Variants in MARF1 observed in about 807,000 individuals in gnomAD.
The protein encoded by MARF1 is limkain-b1.
Under a neutral mutation model 168.2 loss-of-function variants are expected in MARF1, and 24 were observed. The observed-to-expected ratio is 0.14, with a 90% CI of 0.10 to 0.20. The LOEUF is 0.20. Ranked by LOEUF, MARF1 falls within the 10% of genes least tolerant of loss-of-function variation. The probability of loss-of-function intolerance (pLI) is 1.00; values close to 1 mark genes in which losing one functional copy is unlikely to be tolerated. For missense variants in MARF1, 1,744 were observed against 2,143.6 expected (o/e 0.81, Z 3.68); for synonymous variants, 868 against 822.4 (o/e 1.06, Z -0.95).
At position 15,595,071 on chromosome 16, in the gene MARF1, T is replaced by C. The variant is rs1206162752; in HGVS notation, c.*1622A>G. ...ATTATTACTTTGTTTAAAAGCTCCT[T>C]TAAAAAAAATTGCACATTTGCATTT... On this transcript the variant is annotated 3_prime_UTR_variant, in exon 27 of 27. Coordinates refer to ENST00000396368, the MANE Select transcript of MARF1 (RefSeq NM_014647.4). 6.6e-6 allele frequency: 1 copy of C among 152,622 alleles called. No homozygotes were observed. The highest frequency in any genetic ancestry group is 1.5e-5 in the Non-Finnish European group (1 of 68,046). 9.5% of individuals were successfully genotyped at this position (152,622 alleles called of 1,614,324 possible). A position where few individuals can be genotyped will look rare whatever the true frequency, so the allele number is the denominator to read the frequency against.
chr16:15,607,852 T>C (rs1331707375), intron 21 of MARF1, among the ~76,000 whole-genome samples: 3 of 152,196 alleles, frequency 2.0e-5, no homozygotes, highest in Non-Finnish European at 4.4e-5. Flanking sequence ...CTCTGCACCC[T>C]CGCTTGCTCC....
In MARF1 at chr16:15,622,916, C is replaced by A; in HGVS notation, c.2460+18G>T. 1.9e-6 allele frequency: 3 copies of A among 1,563,230 alleles called. No individual in the cohort carries two copies. The highest frequency in any genetic ancestry group is 2.3e-4 in the Middle Eastern group (1 of 4,358). ...ATCAGAGAGTATAACAAAGCAAGCA[C>A]AAGAGGGAAAAAGTTACCTTGCCAT... is the stretch of plus-strand genomic sequence containing the variant. On this transcript the variant is annotated intron_variant, in intron 11 of 26. Coordinates refer to ENST00000396368, the MANE Select transcript of MARF1 (RefSeq NM_014647.4).
At chr16:15,637,686 T>C (rs560240409) in intron 2 of MARF1, among the ~76,000 whole-genome samples, 43 of 152,330 alleles carry the variant, frequency 2.8e-4, no homozygotes, top group African/African-American at 1.0e-3. Context: ...CTGAATTGTG[T>C]GACTCCATGA....
In MARF1 at chr16:15,605,265, T is replaced by G. The variant is rs925337859; in HGVS notation, c.4183-867A>C. 7.0e-4 allele frequency among the ~76,000 whole-genome samples: 106 copies of G among 152,172 alleles called. 1 individual carries two copies. Among genetic ancestry groups the G allele is most frequent in the Non-Finnish European group, 2.4e-4 (16 of 68,034 alleles). On this transcript the variant is annotated intron_variant, in intron 21 of 26. Coordinates refer to ENST00000396368, the MANE Select transcript of MARF1 (RefSeq NM_014647.4). ...GTTTGCCCCCTTTATCTGGTTTTCC[T>G]GCCAGGGCCAAAGGTCTTGGCAGGG...
intron 16 of MARF1, among the ~76,000 whole-genome samples, chr16:15,613,796 A>G (rs1380890450): frequency 1.3e-5 from 2 of 152,176 alleles, no homozygotes; most frequent in Non-Finnish European, 2.9e-5. Flanking sequence ...ACAGAGGGAA[A>G]AGAAAGGAGG....
chr16:15,617,418 G>A lies in MARF1; in HGVS notation c.2838C>T (p.Ser946=). 1 of 1,614,082 alleles carries A rather than the reference G, an allele frequency of 6.2e-7. No individual in the cohort carries two copies. Among genetic ancestry groups the A allele is most frequent in the South Asian group, 1.1e-5 (1 of 91,078 alleles). The change falls in exon 14 of 27, where the codon AGC becomes AGT. Residue 946 remains serine (S), a synonymous_variant. Transcript: ENST00000396368. The part of the protein sequence containing the change: ...CLLPSSQARQ[S]PLGSSQSHDG... ...CGTGTGACTGGGAAGACCCCAAGGGGCTCTGGCGGGCCTGACTGCTGGGTA... is the reference window on the plus strand; with the variant it reads ...CGTGTGACTGGGAAGACCCCAAGGGACTCTGGCGGGCCTGACTGCTGGGTA...
At chr16:15,622,023 A>C in intron 11 of MARF1, 112 bp from the exon 12 acceptor site, 2 of 934,518 alleles carry the variant, frequency 2.1e-6, no homozygotes, top group East Asian at 5.0e-5. Flanking sequence ...GCTTCCATGA[A>C]GGAGTATGTC....
chr16:15,614,668 C>A (rs1449521937), intron 16 of MARF1, among the ~76,000 whole-genome samples: 1 of 151,660 alleles, frequency 6.6e-6, no homozygotes, highest in Non-Finnish European at 1.5e-5. Flanking sequence ...TGGCGGGCGC[C>A]TGTAGTCCCA....
Position 15,596,677 on chromosome 16 carries a change from A to G in MARF1, c.*16T>C, listed in dbSNP as rs777658625. On this transcript the variant is annotated 3_prime_UTR_variant, in exon 27 of 27. Coordinates refer to ENST00000396368, the MANE Select transcript of MARF1 (RefSeq NM_014647.4). ...GACAGTGTTTTCCCATCCTAATTCTATATTCCAAATGGGAGTTAAAGCTTG... is the reference window on the plus strand; with the variant it reads ...GACAGTGTTTTCCCATCCTAATTCTGTATTCCAAATGGGAGTTAAAGCTTG... The G allele has an allele frequency of 3.2e-6, 5 of 1,561,150 alleles. No homozygotes were observed. Among genetic ancestry groups the G allele is most frequent in the African/African-American group, 2.7e-5 (2 of 73,352 alleles).
rs755444779 is a variant in MARF1 at position 15,620,551 on chromosome 16, T to C, written c.2640-20A>G. On this transcript the variant is annotated intron_variant, in intron 12 of 26. Transcript: ENST00000396368. ...TCTGCACTGTAAAACAGAAGTTTGA[T>C]TAGGGAACAGACCATTTCCTCCATA... 5 of 1,553,904 alleles carry C rather than the reference T, an allele frequency of 3.2e-6. No individual in the cohort carries two copies. The highest frequency in any genetic ancestry group is 4.4e-6 in the Non-Finnish European group (5 of 1,129,790).
At chr16:15,603,590 T>G (rs968577800) in intron 22 of MARF1, among the ~76,000 whole-genome samples, 1 of 152,338 alleles carries the variant, frequency 6.6e-6, no homozygotes, top group Non-Finnish European at 1.5e-5. Context: ...TGATCTTTTA[T>G]AGTCTCTTTT....
At chr16:15,604,122 T>C in intron 22 of MARF1, 46 bp downstream of exon 22, 2 of 1,400,480 alleles carry the variant, frequency 1.4e-6, no homozygotes, top group Non-Finnish European at 2.0e-6. Context: ...AAATGCCCAA[T>C]CGATAGTTTT....
chr16:15,642,344 C>G (rs1345095935), intron 1 of MARF1: 15 of 151,536 alleles, frequency 9.9e-5, no homozygotes, highest in Admixed American at 9.9e-4. Context: ...AACTCCTGTC[C>G]TTAGTACAAT....
chr16:15,631,480 T>C lies in MARF1; in HGVS notation c.1252A>G (p.Asn418Asp), dbSNP rs200481256. 3.9e-4 allele frequency: 624 copies of C among 1,612,466 alleles called. No homozygotes were observed. The highest frequency in any genetic ancestry group is 5.2e-4 in the Non-Finnish European group (609 of 1,178,858). Residue 418 changes from asparagine (N) to aspartate (D), a missense_variant, in exon 6 of 27, where the codon AAT (asparagine) becomes GAT (aspartate). Physicochemically the swap from Asn to Asp is conservative, Grantham distance 23 (BLOSUM62 1). Around this residue, in one of 7 missense-constraint regions of MARF1, gnomAD observed 217 missense variants for 372.4 expected, o/e 0.58. Transcript: ENST00000396368. ...NNCQVTVAHI[N>D]ATAKNAADDK... ...TCAGCGGCATTCTTTGCAGTAGCATTGATGTGGGCAACGGTTACCTGCATT... is the reference window on the plus strand; with the variant it reads ...TCAGCGGCATTCTTTGCAGTAGCATCGATGTGGGCAACGGTTACCTGCATT...
In MARF1 at chr16:15,611,090, C is replaced by G; in HGVS notation, c.3636G>C (p.Trp1212Cys). ...QAYHWCFSKDWDVTEYGVCEL... is the reference protein window; with the variant it reads ...QAYHWCFSKDCDVTEYGVCEL... ...CACAAACACCATATTCAGTGACATC[C>G]CAGTCCTTTGAGAAACACCTAGGTT... The change falls in exon 19 of 27, where the codon TGG becomes TGC. Residue 1212 changes from tryptophan (W) to cysteine (C), a missense_variant. This residue lies in a region of MARF1 where 543 missense variants were observed against 742.1 expected (regional missense o/e 0.73). Coordinates refer to ENST00000396368, the MANE Select transcript of MARF1 (RefSeq NM_014647.4). 6.2e-7 allele frequency: 1 copy of G among 1,613,762 alleles called. No homozygotes were observed. Among genetic ancestry groups the G allele is most frequent in the Non-Finnish European group, 8.5e-7 (1 of 1,179,754 alleles).
At position 15,615,965 on chromosome 16, in the gene MARF1, C is replaced by T. The variant is rs911258332; in HGVS notation, c.3118G>A (p.Val1040Ile). 2 of 1,563,180 alleles carry T rather than the reference C, an allele frequency of 1.3e-6. No homozygotes were observed. Among genetic ancestry groups the T allele is most frequent in the South Asian group, 1.2e-5 (1 of 83,770 alleles). The change falls in exon 16 of 27, where the codon GTA becomes ATA. Residue 1040 changes from valine (V) to isoleucine (I), a missense_variant. Physicochemically the swap from Val to Ile is conservative, Grantham distance 29. This residue lies in a region of MARF1 where 543 missense variants were observed against 742.1 expected (regional missense o/e 0.73). Transcript: ENST00000396368. ...CYIAEFGDLE[V>I]VQENQGGVPL... ...ACACCTCCTTGGTTTTCTTGCACTA[C>T]TTCTAGATCGCCAAACTCTGCAATG...
At chr16:15,597,399 T>C (rs932517574) in intron 26 of MARF1, among the ~76,000 whole-genome samples, 1 of 152,198 alleles carries the variant, frequency 6.6e-6, no homozygotes, top group African/African-American at 2.4e-5. Context: ...ATGCTCCCCA[T>C]GGGTCTATTA....
intron 5 of MARF1, among the ~76,000 whole-genome samples, chr16:15,632,840 A>T (rs575877036): frequency 6.6e-6 from 1 of 152,186 alleles, no homozygotes; most frequent in Non-Finnish European, 1.5e-5. Context: ...GGGTCAGACA[A>T]ATCTAGATTT....
chr16:15,604,835 G>T (rs960833062), intron 21 of MARF1, among the ~76,000 whole-genome samples: 1 of 152,080 alleles, frequency 6.6e-6, no homozygotes, highest in Non-Finnish European at 1.5e-5. Flanking sequence ...GTGCAGACCC[G>T]ACTTGCCCAT....
Sources: gnomAD v4.1 joint callset for allele counts (sites outside exome capture counted in the v4.1 genomes callset) on GRCh38, gnomAD v4.1.1 for gene constraint, gnomAD v4.1.1 regional missense constraint, MANE v1.5 for transcripts, NCBI Gene and HGNC (gene_info 2026-07-23, HGNC 2026-07-21) for gene names.